The following CDK8 variants were observed in gnomAD, a reference collection of about 807,000 sequenced individuals.
CDK8 encodes cyclin-dependent kinase 8.
A neutral mutation model predicts 71.5 loss-of-function variants in CDK8; 29 were observed. That is an observed-to-expected ratio of 0.41 (90% CI 0.30 to 0.55). CDK8 has a LOEUF of 0.55. CDK8 is among the 20% of genes least tolerant of loss of function. CDK8 has a pLI of 0.37. For missense variants in CDK8, 288 were observed against 572.6 expected (o/e 0.50, Z 5.07); for synonymous variants, 161 against 192.1 (o/e 0.84, Z 1.34).
Position 26,254,335 on chromosome 13 carries a change from G to T in CDK8, c.-307G>T, listed in dbSNP as rs1187997553. 1.5e-5 allele frequency: 4 copies of T among 273,404 alleles called. No individual in the cohort carries two copies. The highest frequency in any genetic ancestry group is 2.8e-5 in the Non-Finnish European group (4 of 142,484). The allele number at this position is 273,404 out of a possible 1,614,324, so 16.9% of individuals were successfully genotyped here. A position where few individuals can be genotyped will look rare whatever the true frequency, so the allele number is the denominator to read the frequency against. Reference sequence around the variant, plus strand: ...GAGAGCGGCGGAGCCGGCGCCCAGGGAGCCCGCGGGGACAAGGGCAGAGAC... The same window carrying T: ...GAGAGCGGCGGAGCCGGCGCCCAGGTAGCCCGCGGGGACAAGGGCAGAGAC... On this transcript the variant is annotated 5_prime_UTR_variant, in exon 1 of 13. Coordinates refer to ENST00000381527, the MANE Select transcript of CDK8 (RefSeq NM_001260.3). The surrounding 1 kb of genome is among the most constrained non-coding windows in gnomAD (Gnocchi z 6.7).
At chr13:26,312,556 C>G (rs1874335385) in intron 1 of CDK8, among the ~76,000 whole-genome samples, 1 of 152,096 alleles carries the variant, frequency 6.6e-6, no homozygotes, top group African/African-American at 2.4e-5. Flanking sequence ...GTCAGCAAGA[C>G]CACGAACCCT....
intron 1 of CDK8, among the ~76,000 whole-genome samples, chr13:26,329,836 C>G (rs1875225573): frequency 6.6e-6 from 1 of 152,094 alleles, no homozygotes; most frequent in South Asian, 2.1e-4. Flanking sequence ...GTCCTCAGGG[C>G]TGTCACCGGT....
intron 1 of CDK8, among the ~76,000 whole-genome samples, chr13:26,280,097 AC>A (rs1872684741): frequency 6.6e-6 from 1 of 152,198 alleles, no homozygotes; most frequent in Non-Finnish European, 1.5e-5. Context: ...TTAAAATATT[AC>A]ATTTTTCAAA....
chr13:26,349,922 T>G (rs1873617455), intron 3 of CDK8, among the ~76,000 whole-genome samples: 5 of 152,326 alleles, frequency 3.3e-5, no homozygotes, highest in Admixed American at 3.3e-4. Flanking sequence ...CTCCTAAGAT[T>G]ATAGTACCAT....
chr13:26,269,284 A>T (rs1433691943), intron 1 of CDK8, among the ~76,000 whole-genome samples: 1 of 152,248 alleles, frequency 6.6e-6, no homozygotes, highest in Non-Finnish European at 1.5e-5. Flanking sequence ...CCTTATAGAT[A>T]GGAAGCTGAA....
At chr13:26,285,930 A>G (rs979086668) in intron 1 of CDK8, among the ~76,000 whole-genome samples, 4 of 152,210 alleles carry the variant, frequency 2.6e-5, no homozygotes, top group Non-Finnish European at 5.9e-5. Flanking sequence ...AATAAATAAA[A>G]TACTTACGAA....
At chr13:26,321,992 C>T (rs988499930) in intron 1 of CDK8, among the ~76,000 whole-genome samples, 28 of 152,100 alleles carry the variant, frequency 1.8e-4, no homozygotes, top group Non-Finnish European at 2.8e-4. Flanking sequence ...ATCTTAAATG[C>T]CTAGTATCTT....
chr13:26,394,281 G>A (rs1875885706), intron 7 of CDK8, among the ~76,000 whole-genome samples: 1 of 152,208 alleles, frequency 6.6e-6, no homozygotes, highest in South Asian at 2.1e-4. Context: ...GACTAATAGA[G>A]ATAATACCTG....
chr13:26,386,452 CT>C (rs1875481983), intron 6 of CDK8, among the ~76,000 whole-genome samples: 1 of 152,108 alleles, frequency 6.6e-6, no homozygotes. Context: ...ATTAAACCCA[CT>C]TTTCCTTTAC....
At chr13:26,395,728 T>C (rs1390101699) in intron 7 of CDK8, among the ~76,000 whole-genome samples, 1 of 152,188 alleles carries the variant, frequency 6.6e-6, no homozygotes, top group East Asian at 1.9e-4. Flanking sequence ...AGCCCACTTA[T>C]TAATATACTA....
intron 3 of CDK8, among the ~76,000 whole-genome samples, 164 bp downstream of exon 3, chr13:26,349,346 T>C (rs1873593157): frequency 6.6e-6 from 1 of 152,230 alleles, no homozygotes; most frequent in African/African-American, 2.4e-5. Context: ...TTTGACTTTG[T>C]ATTATTACTT....
chr13:26,359,938 A>G (rs1295173696), intron 4 of CDK8, among the ~76,000 whole-genome samples: 2 of 151,884 alleles, frequency 1.3e-5, no homozygotes, highest in African/African-American at 4.8e-5. Context: ...CTGGTCTCGA[A>G]CTCCTGACCT....
intron 1 of CDK8, among the ~76,000 whole-genome samples, chr13:26,300,605 A>T (rs1873780032): frequency 6.6e-6 from 1 of 152,338 alleles, no homozygotes; most frequent in East Asian, 1.9e-4. Context: ...AGAAAAATGT[A>T]ATCAGTCTTG....
At chr13:26,386,806 A>T (rs970618222) in intron 6 of CDK8, among the ~76,000 whole-genome samples, 18 of 152,304 alleles carry the variant, frequency 1.2e-4, no homozygotes, top group African/African-American at 4.3e-4. Flanking sequence ...ATTGCTAATG[A>T]AGTCTCCTGC....
chr13:26,330,145 G>T (rs775944206), intron 1 of CDK8, among the ~76,000 whole-genome samples: 1 of 152,128 alleles, frequency 6.6e-6, no homozygotes, highest in Non-Finnish European at 1.5e-5. Context: ...TCTATCATCC[G>T]ACTACAGTAC....
intron 1 of CDK8, among the ~76,000 whole-genome samples, chr13:26,336,510 ACAGC>A (rs1872989928): frequency 6.6e-6 from 1 of 151,880 alleles, no homozygotes; most frequent in Non-Finnish European, 1.5e-5. Context: ...AGGTTTGAGA[ACAGC>A]CATTTAGGCC....
chr13:26,339,594 G>GT (rs112212248), intron 2 of CDK8, among the ~76,000 whole-genome samples: 122 of 140,164 alleles, frequency 8.7e-4, no homozygotes, highest in East Asian at 3.7e-3. Flanking sequence ...CAGCTAATTA[G>GT]TTTTTTTTTT....
In CDK8 at chr13:26,282,147, G is replaced by C. The variant is rs375924823; in HGVS notation, c.128+27378G>C. 2.0e-4 allele frequency among the ~76,000 whole-genome samples: 31 copies of C among 152,242 alleles called. No individual in the cohort carries two copies. In the East Asian group the frequency reaches 4.8e-3, roughly 24 times the overall value. On this transcript the variant is annotated intron_variant, in intron 1 of 12. Transcript: ENST00000381527. ...ATAAAAGTTTGGAAAACATATTTCA[G>C]GGAATAATTGAGGAAAACTTCCTCG...
Position 26,364,583 on chromosome 13 carries a change from T to C in CDK8, c.456+10703T>C, listed in dbSNP as rs190403932. On this transcript the variant is annotated intron_variant, in intron 4 of 12. Coordinates refer to ENST00000381527, the MANE Select transcript of CDK8 (RefSeq NM_001260.3). ...GTTTCTTCCTTCTATACCTTTCAAA[T>C]TGTTGGAATAGTTTGTAGTTAACAT... is the stretch of plus-strand genomic sequence containing the variant. Among the ~76,000 whole-genome samples the C allele has an allele frequency of 1.3e-3, 199 of 152,234 alleles. 1 individual carries two copies. The highest frequency in any genetic ancestry group is 4.7e-3 in the African/African-American group (194 of 41,552).
Sources: gnomAD v4.1 joint callset for allele counts (sites outside exome capture counted in the v4.1 genomes callset) on GRCh38, gnomAD v4.1.1 for gene constraint, Gnocchi (gnomAD v3.1) non-coding constraint, MANE v1.5 for transcripts, NCBI Gene and HGNC (gene_info 2026-07-23, HGNC 2026-07-21) for gene names.